Variants in TNPO1 observed in about 807,000 individuals in gnomAD.
TNPO1 encodes the protein transportin 1.
A neutral mutation model predicts 119.5 loss-of-function variants in TNPO1; 8 were observed. That is an observed-to-expected ratio of 0.07 (90% CI 0.04 to 0.12). The LOEUF (loss-of-function observed/expected upper bound fraction) is 0.12. Ranked by LOEUF, TNPO1 falls within the 10% of genes least tolerant of loss-of-function variation. The pLI is 1.00. For missense variants in TNPO1, 576 were observed against 1,089.8 expected (o/e 0.53, Z 6.64); for synonymous variants, 362 against 363.0 (o/e 1.00, Z 0.03).
At chr5:72,880,317 T>C (rs1373161513) in intron 9 of TNPO1, among the ~76,000 whole-genome samples, 1 of 152,206 alleles carries the variant, frequency 6.6e-6, no homozygotes, top group East Asian at 1.9e-4. Context: ...TTAATGTATT[T>C]TGTGATCTGG....
Position 72,905,416 on chromosome 5 carries a change from TAC to T in TNPO1, c.*9_*10del. 6.3e-7 allele frequency: 1 copy of T among 1,590,970 alleles called. No individual in the cohort carries two copies. Among genetic ancestry groups the T allele is most frequent in the African/African-American group, 1.4e-5 (1 of 73,836 alleles). On this transcript the variant is annotated 3_prime_UTR_variant, in exon 24 of 25. Coordinates refer to ENST00000337273, the MANE Select transcript of TNPO1 (RefSeq NM_002270.4). ...CAGCTTTTTATGGTGTTTAATCTAA[TAC>T]ACTTAAGCTGCAGTCCCAAAATTAG...
rs145700914 is a variant in TNPO1, at chr5:72,888,121, T to A, written c.1347T>A (p.Pro449=). The A allele has an allele frequency of 4.3e-6, 7 of 1,614,056 alleles. No individual in the cohort carries two copies. The African/African-American group carries it at 9.3e-5, about 22-fold the overall frequency. The change falls in exon 13 of 25, where the codon CCT becomes CCA. Residue 449 remains proline (P), a synonymous_variant. Transcript: ENST00000337273. ...TTCCATACTTGCCTGAGCTTATTCC[T>A]CACCTTATTCAGTGCCTCTCTGATA... ...GMIPYLPELI[P]HLIQCLSDKK... is the part of the protein sequence containing the mutation.
chr5:72,869,528 CAG>C (rs1460869388), intron 6 of TNPO1, among the ~76,000 whole-genome samples: 1 of 152,164 alleles, frequency 6.6e-6, no homozygotes, highest in Non-Finnish European at 1.5e-5. Flanking sequence ...TCCTGGGTGA[CAG>C]AGTGAGACTC....
intron 11 of TNPO1, among the ~76,000 whole-genome samples, chr5:72,885,423 A>G (rs1462709564): frequency 2.0e-5 from 3 of 152,200 alleles, no homozygotes; most frequent in Non-Finnish European, 2.9e-5. Flanking sequence ...TGGATGGGGG[A>G]ACACTTCCTC....
chr5:72,870,217 A>G (rs1331697838), intron 6 of TNPO1, among the ~76,000 whole-genome samples: 1 of 135,176 alleles, frequency 7.4e-6, no homozygotes, highest in Non-Finnish European at 1.5e-5. Context: ...CTAGAGTGCA[A>G]TGGCATTATC....
intron 5 of TNPO1, among the ~76,000 whole-genome samples, chr5:72,864,345 G>A (rs530711637): frequency 1.3e-3 from 191 of 152,070 alleles, no homozygotes; most frequent in African/African-American, 4.3e-3. Flanking sequence ...ACCTTCTGTT[G>A]GACACTTTAA....
rs561960397 is a variant in TNPO1, at chr5:72,835,423, T to G, written c.16-12962T>G. ...ACACAGCCTGGGAAGTCCAGCCAAT[T>G]TGATATCTAGTGAAGGCTTGCCCTC... On this transcript the variant is annotated intron_variant, in intron 1 of 24. Coordinates refer to ENST00000337273, the MANE Select transcript of TNPO1 (RefSeq NM_002270.4). Among the ~76,000 whole-genome samples the G allele has an allele frequency of 2.5e-3, 387 of 152,232 alleles. 1 individual carries two copies. Among genetic ancestry groups the G allele is most frequent in the Non-Finnish European group, 4.2e-3 (285 of 68,012 alleles).
chr5:72,822,170 A>G lies in TNPO1; in HGVS notation c.15+5418A>G, dbSNP rs80169022. Among the ~76,000 whole-genome samples the G allele has an allele frequency of 2.8e-3, 432 of 152,356 alleles. 3 individuals are homozygous for G. The highest frequency in any genetic ancestry group is 9.6e-3 in the African/African-American group (401 of 41,584). On this transcript the variant is annotated intron_variant, in intron 1 of 24. Transcript: ENST00000337273. The stretch of plus-strand genomic sequence containing the variant: ...GTATGAATCATTAAGAGCAGAATAA[A>G]ATAGATTTTTAAAGCACTCTACATC...
At chr5:72,845,563 GA>G (rs1745094075) in intron 1 of TNPO1, among the ~76,000 whole-genome samples, 1 of 152,180 alleles carries the variant, frequency 6.6e-6, no homozygotes, top group African/African-American at 2.4e-5. Flanking sequence ...AGATGTGATA[GA>G]AAAGTTCAAA....
At chr5:72,853,948 A>G (rs1208405425) in intron 3 of TNPO1, among the ~76,000 whole-genome samples, 3 of 152,178 alleles carry the variant, frequency 2.0e-5, no homozygotes, top group South Asian at 2.1e-4. Flanking sequence ...TAGTCGTTGA[A>G]TTTTTTAAAT....
chr5:72,840,687 C>A (rs962572376), intron 1 of TNPO1, among the ~76,000 whole-genome samples: 1 of 152,052 alleles, frequency 6.6e-6, no homozygotes, highest in African/African-American at 2.4e-5. Flanking sequence ...CAATTTGATA[C>A]CACACTCTTT....
Position 72,889,437 on chromosome 5 carries a change from TTA to T in TNPO1, c.1530-347_1530-346del, listed in dbSNP as rs368879152. Among the ~76,000 whole-genome samples, 303 of 152,282 alleles carry T rather than the reference TTA, an allele frequency of 2.0e-3. 3 individuals carry two copies. Among genetic ancestry groups the T allele is most frequent in the African/African-American group, 7.1e-3 (293 of 41,548 alleles). On this transcript the variant is annotated intron_variant, in intron 13 of 24. Transcript: ENST00000337273. Reference sequence around the variant, plus strand: ...GATATTAAGGGAGGGAGGATATAGATTATGTTTGAGATCCTATAATTTATTCA... The same window carrying T: ...GATATTAAGGGAGGGAGGATATAGATTGTTTGAGATCCTATAATTTATTCA...
intron 1 of TNPO1, among the ~76,000 whole-genome samples, chr5:72,818,765 G>A (rs1414034410): frequency 6.9e-6 from 1 of 144,078 alleles, no homozygotes; most frequent in Non-Finnish European, 1.5e-5. Flanking sequence ...TGGTTTACCA[G>A]CAAAAGGATG....
chr5:72,871,143 A>G (rs765963039), intron 6 of TNPO1, among the ~76,000 whole-genome samples: 5 of 151,980 alleles, frequency 3.3e-5, no homozygotes, highest in Non-Finnish European at 7.4e-5. Flanking sequence ...GGCCCGGCTA[A>G]TTTTTGTATT....
rs1336888594 is a variant in TNPO1 at position 72,893,455 on chromosome 5, C to T, written c.1975C>T (p.Leu659=). The part of the protein sequence containing the change: ...MIVALDLLSG[L]AEGLGGNIEQ... ...AGTGGCTCTTGATTTACTGAGTGGC[C>T]TGGCTGAAGGACTTGGAGGCAACAT... The change falls in exon 17 of 25, where the codon CTG becomes TTG. Residue 659 remains leucine (L), a synonymous_variant. Transcript: ENST00000337273. 1 of 1,614,132 alleles carries T rather than the reference C, an allele frequency of 6.2e-7. No individual in the cohort carries two copies. The highest frequency in any genetic ancestry group is 1.1e-5 in the South Asian group (1 of 91,080).
At chr5:72,903,167 C>T (rs527842761) in intron 22 of TNPO1, among the ~76,000 whole-genome samples, 1 of 152,020 alleles carries the variant, frequency 6.6e-6, no homozygotes, top group African/African-American at 2.4e-5. Context: ...GTTTTTTGTT[C>T]TTGTTTGGAT....
chr5:72,878,983 C>G (rs145887759), intron 9 of TNPO1: 1 of 472,150 alleles, frequency 2.1e-6, no homozygotes, highest in Non-Finnish European at 4.3e-6. Context: ...CCAGATTACT[C>G]TGGCTTTGTT....
In TNPO1 at chr5:72,903,792, T is replaced by TA; in HGVS notation, c.2589+11dup. The TA allele has an allele frequency of 6.5e-7, 1 of 1,548,264 alleles. No individual in the cohort carries two copies. Among genetic ancestry groups the TA allele is most frequent in the Non-Finnish European group, 8.9e-7 (1 of 1,127,938 alleles). ...GAGACATGTTCTGTAAGGTAACTAATAAGTCTTTATAATGCATCATCTTGA... is the reference window on the plus strand; with the variant it reads ...GAGACATGTTCTGTAAGGTAACTAATAAAGTCTTTATAATGCATCATCTTGA... On this transcript the variant is annotated intron_variant, in intron 23 of 24. Coordinates refer to ENST00000337273, the MANE Select transcript of TNPO1 (RefSeq NM_002270.4).
At position 72,910,423 on chromosome 5, in the gene TNPO1, TATTA is replaced by T. The variant is rs1561371127; in HGVS notation, c.*1754_*1757del. The T allele has an allele frequency of 2.6e-5, 4 of 152,606 alleles. No individual in the cohort carries two copies. The allele number at this position is 152,606 out of a possible 1,614,324, so 9.5% of individuals were successfully genotyped here. ...GTGTTCATATGAAAGTGCAAGTCTTTATTAATTTGGATTGCCTGAACAGTGTATC... is the reference window on the plus strand; with the variant it reads ...GTGTTCATATGAAAGTGCAAGTCTTTATTTGGATTGCCTGAACAGTGTATC... On this transcript the variant is annotated 3_prime_UTR_variant, in exon 25 of 25. Coordinates refer to ENST00000337273, the MANE Select transcript of TNPO1 (RefSeq NM_002270.4).
Sources: gnomAD v4.1 joint callset for allele counts (sites outside exome capture counted in the v4.1 genomes callset) on GRCh38, gnomAD v4.1.1 for gene constraint, MANE v1.5 for transcripts, NCBI Gene and HGNC (gene_info 2026-07-23, HGNC 2026-07-21) for gene names.